Variants in FSHR observed in about 807,000 individuals in gnomAD.
FSHR encodes the protein follicle stimulating hormone receptor.
A neutral mutation model predicts 52.1 loss-of-function variants in FSHR; 46 were observed. That is an observed-to-expected ratio of 0.88 (90% CI 0.70 to 1.13). The LOEUF is 1.13. FSHR is among the 50% of genes most tolerant of loss of function. FSHR has a pLI of 0.00. For synonymous variants in FSHR, 399 were observed against 309.6 expected, an observed-to-expected ratio of 1.29 and a Z score of -3.03; for missense variants, 964 against 834.6, an observed-to-expected ratio of 1.16 and a Z score of -1.91.
chr2:49,079,633 CAGT>C (rs1196939369), intron 1 of FSHR, among the ~76,000 whole-genome samples: 1 of 152,042 alleles, frequency 6.6e-6, no homozygotes, highest in Non-Finnish European at 1.5e-5. Flanking sequence ...CATCAAAAAT[CAGT>C]GGTGGACAAT....
At chr2:49,129,934 GA>G (rs1672205615) in intron 1 of FSHR, among the ~76,000 whole-genome samples, 1 of 152,152 alleles carries the variant, frequency 6.6e-6, no homozygotes, top group African/African-American at 2.4e-5. Context: ...AGGTTTTTCA[GA>G]GGGAGAAAAT....
Position 48,963,685 on chromosome 2 carries a change from C to G in FSHR, c.1136G>C (p.Gly379Ala). The change falls in exon 10 of 10, where the codon GGG becomes GCG. Residue 379 changes from glycine (G) to alanine (A), a missense_variant. By Grantham distance (60) the Gly-to-Ala change is moderately conservative. Transcript: ENST00000406846. ...IWFISILAIT[G>A]NIIVLVILTT... Reference sequence around the variant, plus strand: ...TAGGATCACTAGCACTATGATGTTCCCAGTGATGGCCAGGATGCTGATAAA... The same window carrying G: ...TAGGATCACTAGCACTATGATGTTCGCAGTGATGGCCAGGATGCTGATAAA... The G allele has an allele frequency of 6.2e-7, 1 of 1,614,102 alleles. No individual in the cohort carries two copies. Among genetic ancestry groups the G allele is most frequent in the Non-Finnish European group, 8.5e-7 (1 of 1,180,000 alleles).
At chr2:49,081,210 G>C (rs1423373739) in intron 1 of FSHR, among the ~76,000 whole-genome samples, 3 of 152,128 alleles carry the variant, frequency 2.0e-5, no homozygotes, top group South Asian at 4.2e-4. Context: ...AACAGGAATA[G>C]TAATAAAGAC....
Position 49,087,070 on chromosome 2 carries a change from G to GTTTTTTTTTTTTT in FSHR, c.153-18793_153-18781dup, listed in dbSNP as rs56890721. Among the ~76,000 whole-genome samples, 7 of 86,732 alleles carry GTTTTTTTTTTTTT rather than the reference G, an allele frequency of 8.1e-5. 1 individual carries two copies. The highest frequency in any genetic ancestry group is 8.6e-4 in the East Asian group (2 of 2,316). The allele number at this position is 86,732 out of a possible 152,430, so 56.9% of individuals were successfully genotyped here. ...GTAGTTGAGGGACCCTGTGGGCAGG[G>GTTTTTTTTTTTTT]TTTTTTTTTTTTTTTTTTTTTTTTT... On this transcript the variant is annotated intron_variant, in intron 1 of 9. Coordinates refer to ENST00000406846, the MANE Select transcript of FSHR (RefSeq NM_000145.4).
At chr2:49,046,610 A>C (rs1006102409) in intron 2 of FSHR, among the ~76,000 whole-genome samples, 2 of 152,214 alleles carry the variant, frequency 1.3e-5, no homozygotes, top group African/African-American at 2.4e-5. Context: ...GTTGTTAAGC[A>C]ATATGAGAAC....
chr2:48,981,149 C>G lies in FSHR; in HGVS notation c.668+1763G>C, dbSNP rs183226760. Reference sequence around the variant, plus strand: ...GTACAAGTTTTGAGTACTTTGTATTCTTGAGTACATGGACTATATGCCCAA... The same window carrying G: ...GTACAAGTTTTGAGTACTTTGTATTGTTGAGTACATGGACTATATGCCCAA... On this transcript the variant is annotated intron_variant, in intron 8 of 9. Coordinates refer to ENST00000406846, the MANE Select transcript of FSHR (RefSeq NM_000145.4). Among the ~76,000 whole-genome samples the G allele has an allele frequency of 1.3e-3, 203 of 152,284 alleles. 3 individuals carry two copies. Among genetic ancestry groups the G allele is most frequent in the South Asian group, 0.013 (62 of 4,818 alleles).
intron 1 of FSHR, among the ~76,000 whole-genome samples, chr2:49,077,234 A>T (rs556724128): frequency 4.6e-5 from 7 of 152,334 alleles, no homozygotes; most frequent in African/African-American, 1.7e-4. Context: ...AGGTTTCCGA[A>T]CCTCAATTCT....
chr2:49,093,511 T>A (rs1670693523), intron 1 of FSHR, among the ~76,000 whole-genome samples: 1 of 152,202 alleles, frequency 6.6e-6, no homozygotes, highest in African/African-American at 2.4e-5. Context: ...ACTACAGCTA[T>A]CTTTTGATTT....
intron 1 of FSHR, among the ~76,000 whole-genome samples, chr2:49,140,809 C>G (rs1003432142): frequency 6.6e-6 from 1 of 151,748 alleles, no homozygotes; most frequent in African/African-American, 2.4e-5. Flanking sequence ...TTCCTGAACT[C>G]TATGGGATTT....
At chr2:49,133,937 T>A (rs1052184319) in intron 1 of FSHR, among the ~76,000 whole-genome samples, 1 of 152,196 alleles carries the variant, frequency 6.6e-6, no homozygotes, top group South Asian at 2.1e-4. Flanking sequence ...ATTAAAGGCT[T>A]AAATGTTAGA....
chr2:49,020,757 G>A (rs1040339592), intron 2 of FSHR, among the ~76,000 whole-genome samples: 25 of 152,264 alleles, frequency 1.6e-4, no homozygotes, highest in South Asian at 8.3e-4. Flanking sequence ...TGCTAATCTG[G>A]CTTTGAGAGA....
chr2:48,995,209 C>T (rs571009192), intron 4 of FSHR, among the ~76,000 whole-genome samples: 2 of 152,198 alleles, frequency 1.3e-5, no homozygotes, highest in Admixed American at 1.3e-4. Flanking sequence ...AGGAGGAAGG[C>T]AGACACAGTG....
intron 4 of FSHR, chr2:49,015,026 A>G (rs965255914): frequency 2.6e-6 from 1 of 389,886 alleles, no homozygotes; most frequent in African/African-American, 2.1e-5. Flanking sequence ...TAATAATTTT[A>G]TATTTCTATA....
At position 49,081,203 on chromosome 2, in the gene FSHR, A is replaced by G. The variant is rs181511656; in HGVS notation, c.153-12913T>C. ...TGATCTGTTGGCCTCACCATTAAAC[A>G]GGAATAGTAATAAAGACTAAATTTT... is the stretch of plus-strand genomic sequence containing the variant. On this transcript the variant is annotated intron_variant, in intron 1 of 9. Coordinates refer to ENST00000406846, the MANE Select transcript of FSHR (RefSeq NM_000145.4). Among the ~76,000 whole-genome samples, 23 of 152,290 alleles carry G rather than the reference A, an allele frequency of 1.5e-4. 1 individual carries two copies. Among genetic ancestry groups the G allele is most frequent in the Admixed American group, 4.6e-4 (7 of 15,280 alleles).
chr2:49,043,201 C>G (rs1388190034), intron 2 of FSHR, among the ~76,000 whole-genome samples: 1 of 148,790 alleles, frequency 6.7e-6, no homozygotes, highest in African/African-American at 2.5e-5. Context: ...AGGAGAAGCA[C>G]TTCTTAGAGC....
chr2:48,989,007 A>C lies in FSHR; in HGVS notation c.494T>G (p.Phe165Cys), dbSNP rs981251034. 5.6e-6 allele frequency: 9 copies of C among 1,613,894 alleles called. No individual in the cohort carries two copies. The highest frequency in any genetic ancestry group is 6.8e-6 in the Non-Finnish European group (8 of 1,179,942). ...INIHTIERNS[F>C]VGLSFESVIL... ...CACACTTTCAAAGCTCAGCCCCACG[A>C]AAGAATTTCTTTCAATTGTGTGGAT... The change falls in exon 6 of 10, where the codon TTC becomes TGC. Residue 165 changes from phenylalanine (F) to cysteine (C), a missense_variant. By Grantham distance (205) the Phe-to-Cys change is radical. Transcript: ENST00000406846.
chr2:49,016,675 G>T (rs12470147), intron 4 of FSHR, among the ~76,000 whole-genome samples: 1 of 151,820 alleles, frequency 6.6e-6, no homozygotes, highest in South Asian at 2.1e-4. Flanking sequence ...AACTCACAGA[G>T]AGGTAAAAAA....
At chr2:49,052,872 T>TAACC (rs1431758080) in intron 2 of FSHR, among the ~76,000 whole-genome samples, 1 of 152,206 alleles carries the variant, frequency 6.6e-6, no homozygotes, top group Non-Finnish European at 1.5e-5. Context: ...TCTAGCACTG[T>TAACC]TGCAGTTACA....
chr2:49,145,076 C>A (rs1374388504), intron 1 of FSHR, among the ~76,000 whole-genome samples: 6 of 152,040 alleles, frequency 3.9e-5, no homozygotes, highest in Middle Eastern at 3.2e-3. Context: ...CTGGCATACA[C>A]AGCCCATTGA....
Sources: gnomAD v4.1 joint callset for allele counts (sites outside exome capture counted in the v4.1 genomes callset) on GRCh38, gnomAD v4.1.1 for gene constraint, MANE v1.5 for transcripts, NCBI Gene and HGNC (gene_info 2026-07-23, HGNC 2026-07-21) for gene names.